DHX8: variants seen among roughly 807,000 people sequenced by gnomAD.
DHX8 encodes the protein DEAH-box helicase 8, also known as ATP-dependent RNA helicase DHX8.
DHX8 carries 67 observed loss-of-function variants against 140.7 expected under a neutral mutation model. The observed-to-expected ratio is 0.48, with a 90% CI of 0.39 to 0.58. The LOEUF is 0.58. Ranked by LOEUF, DHX8 falls within the 20% of genes least tolerant of loss-of-function variation. DHX8 has a pLI of 0.00. For missense variants in DHX8, 887 were observed against 1,550.7 expected (o/e 0.57, Z 7.19); for synonymous variants, 533 against 553.2 (o/e 0.96, Z 0.51).
chr17:43,493,434 C>T lies in DHX8; in HGVS notation c.864-11C>T. The T allele has an allele frequency of 6.2e-7, 1 of 1,613,850 alleles. No homozygotes were observed. The highest frequency in any genetic ancestry group is 8.5e-7 in the Non-Finnish European group (1 of 1,179,920). On this transcript the variant is annotated splice_polypyrimidine_tract_variant and intron_variant, in intron 6 of 22. Coordinates refer to ENST00000262415, the MANE Select transcript of DHX8 (RefSeq NM_004941.3). The stretch of plus-strand genomic sequence containing the variant: ...TTTGGCATGTTCCAGATGTGTCTGG[C>T]TCTCCCTCAGGAAGCGGTGGGAAGG...
chr17:43,491,341 G>A, intron 4 of DHX8, 91 bp downstream of exon 4: 1 of 669,140 alleles, frequency 1.5e-6, no homozygotes, highest in Non-Finnish European at 2.3e-6. Flanking sequence ...TTTTAAGTTT[G>A]CCTTTGTTGT....
chr17:43,533,332 T>TG (rs745944421), intron 2 of DHX8: 27 of 1,612,774 alleles, frequency 1.7e-5, no homozygotes, highest in Middle Eastern at 1.6e-4. Context: ...GCGATTTGTC[T>TG]GGGGGGGTCA....
intron 3 of DHX8, among the ~76,000 whole-genome samples, chr17:43,490,690 T>C (rs1469969183): frequency 1.3e-5 from 2 of 152,054 alleles, no homozygotes; most frequent in African/African-American, 4.8e-5. Context: ...CTGGGCAACA[T>C]AGAGAGACCT....
downstream of DHX8, chr17:43,526,059 C>T (rs1029004609): frequency 1.0e-6 from 1 of 985,296 alleles, no homozygotes; most frequent in Admixed American, 6.1e-5. Flanking sequence ...GCTATGACAA[C>T]ATAGCTGGGT....
chr17:43,516,994 G>C (rs1046976761), intron 17 of DHX8, among the ~76,000 whole-genome samples, 173 bp from the exon 18 acceptor site: 6 of 152,206 alleles, frequency 3.9e-5, no homozygotes, highest in African/African-American at 1.4e-4. Context: ...GCTGAGTATG[G>C]AGAGGGGAAG....
chr17:43,500,653 C>A lies in DHX8; in HGVS notation c.1546+550C>A, dbSNP rs1482018071. Among the ~76,000 whole-genome samples the A allele has an allele frequency of 5.9e-5, 9 of 152,144 alleles. No homozygotes were observed. The East Asian group carries it at 1.7e-3, about 29-fold the overall frequency. ...TGTTATTCTAGCGCGGTGTCTCATG[C>A]TGTAATCCCAGCACTTTGGGAGGCT... is the stretch of plus-strand genomic sequence containing the variant. On this transcript the variant is annotated intron_variant, in intron 11 of 22. Coordinates refer to ENST00000262415, the MANE Select transcript of DHX8 (RefSeq NM_004941.3).
chr17:43,498,046 T>C (rs1968962963), intron 9 of DHX8, among the ~76,000 whole-genome samples: 1 of 152,166 alleles, frequency 6.6e-6, no homozygotes. Flanking sequence ...GTTCTTGGGC[T>C]GGAGCACAAA....
At chr17:43,535,988 G>A (rs1236610128) in intron 2 of DHX8, among the ~76,000 whole-genome samples, 2 of 152,186 alleles carry the variant, frequency 1.3e-5, no homozygotes, top group African/African-American at 4.8e-5. Context: ...GTGCATGCCT[G>A]TAATCCCAGC....
At chr17:43,498,786 T>A in intron 9 of DHX8, 76 bp from the exon 10 acceptor site, 2 of 1,216,942 alleles carry the variant, frequency 1.6e-6, no homozygotes, top group Non-Finnish European at 2.3e-6. Context: ...TTGGTACCTA[T>A]GGAAATTAAT....
At chr17:43,501,479 T>G (rs894210887) in intron 11 of DHX8, among the ~76,000 whole-genome samples, 60 of 152,064 alleles carry the variant, frequency 3.9e-4, no homozygotes, top group Admixed American at 3.9e-3. Flanking sequence ...AAAGTTCTTT[T>G]GTTGTTGTTG....
chr17:43,526,543 AG>A, downstream of DHX8: 1 of 1,535,708 alleles, frequency 6.5e-7, no homozygotes, highest in Non-Finnish European at 8.7e-7. Flanking sequence ...TCATTGGAGC[AG>A]TGCCTCTCCA....
At chr17:43,532,023 A>G (rs1440269820) in intron 2 of DHX8, among the ~76,000 whole-genome samples, 1 of 152,074 alleles carries the variant, frequency 6.6e-6, no homozygotes. Flanking sequence ...CCTTTATTTT[A>G]ATTTTACTTT....
chr17:43,533,686 T>C (rs1315500975), intron 2 of DHX8, among the ~76,000 whole-genome samples: 1 of 152,078 alleles, frequency 6.6e-6, no homozygotes, highest in Non-Finnish European at 1.5e-5. Flanking sequence ...CTCTGCTGCG[T>C]TTTCCGTCTA....
At chr17:43,537,316 G>A (rs1293041838) in intron 3 of DHX8, among the ~76,000 whole-genome samples, 1 of 152,178 alleles carries the variant, frequency 6.6e-6, no homozygotes, top group Non-Finnish European at 1.5e-5. Context: ...AGTGAGCTGA[G>A]ATCGCACCAC....
At chr17:43,531,169 GT>G (rs1292071963), downstream of DHX8, among the ~76,000 whole-genome samples, 1 of 152,200 alleles carries the variant, frequency 6.6e-6, no homozygotes, top group Non-Finnish European at 1.5e-5. Flanking sequence ...CCCTTGAACG[GT>G]TGTGGGCACC....
chr17:43,524,395 G>A lies in DHX8; in HGVS notation c.*548G>A. ...CTGGGCTCAGGGTGAGGGAGATTTA[G>A]TATCTGTGCTCTGGCACACATGATG... On this transcript the variant is annotated 3_prime_UTR_variant, in exon 23 of 23. Transcript: ENST00000262415. The A allele has an allele frequency of 1.0e-6, 1 of 991,404 alleles. No homozygotes were observed. The highest frequency in any genetic ancestry group is 1.2e-6 in the Non-Finnish European group (1 of 833,730). 61.4% of individuals were successfully genotyped at this position (991,404 alleles called of 1,614,324 possible). A position where few individuals can be genotyped will look rare whatever the true frequency, so the allele number is the denominator to read the frequency against.
At chr17:43,491,838 G>A (rs987337064) in intron 4 of DHX8, among the ~76,000 whole-genome samples, 1 of 152,104 alleles carries the variant, frequency 6.6e-6, no homozygotes. Context: ...AAGCTGGAGT[G>A]GGGGTAGGGA....
At chr17:43,533,944 G>A in intron 2 of DHX8, 2 of 1,549,488 alleles carry the variant, frequency 1.3e-6, no homozygotes, top group African/African-American at 1.4e-5. Context: ...CGGGGACTCT[G>A]GGGCTCCTTC....
intron 2 of DHX8, chr17:43,532,716 C>A (rs1274952271): frequency 6.2e-7 from 1 of 1,613,870 alleles, no homozygotes; most frequent in Non-Finnish European, 8.5e-7. Flanking sequence ...TTGATCACCA[C>A]CCCCGCCCCT....
Sources: gnomAD v4.1 joint callset for allele counts (sites outside exome capture counted in the v4.1 genomes callset) on GRCh38, gnomAD v4.1.1 for gene constraint, MANE v1.5 for transcripts, NCBI Gene and HGNC (gene_info 2026-07-23, HGNC 2026-07-21) for gene names.